Variants in RAD51B observed in about 807,000 individuals in gnomAD.
RAD51B encodes DNA repair protein RAD51 homolog 2.
RAD51B carries 38 observed loss-of-function variants against 42.2 expected under a neutral mutation model. The observed-to-expected ratio is 0.90, with a 90% CI of 0.70 to 1.18. RAD51B has a LOEUF of 1.18. Among genes scored for constraint, RAD51B ranks in the 50% most tolerant of loss-of-function variants. The probability of loss-of-function intolerance (pLI) is 0.00; values close to 1 mark genes in which losing one functional copy is unlikely to be tolerated. For synonymous variants in RAD51B, 154 were observed against 145.2 expected (o/e 1.06, Z -0.43); for missense variants, 373 against 400.7 (o/e 0.93, Z 0.59).
intron 7 of RAD51B, among the ~76,000 whole-genome samples, chr14:68,162,735 A>C (rs1184881584): frequency 6.6e-6 from 1 of 152,238 alleles, no homozygotes; most frequent in Non-Finnish European, 1.5e-5. Flanking sequence ...CAGTGAGCCA[A>C]GATTGTGCCA....
intron 7 of RAD51B, among the ~76,000 whole-genome samples, chr14:68,008,155 T>G (rs2075622224): frequency 6.6e-6 from 1 of 151,904 alleles, no homozygotes; most frequent in African/African-American, 2.4e-5. Context: ...GAGAAAATAA[T>G]CATTATTTTG....
intron 10 of RAD51B, among the ~76,000 whole-genome samples, chr14:68,633,693 G>A (rs765062406): frequency 6.0e-4 from 92 of 152,252 alleles, no homozygotes; most frequent in Non-Finnish European, 1.2e-3. Context: ...CACCAGCCAG[G>A]GCGATCCTGA....
At chr14:67,970,517 A>G (rs1165913125) in intron 7 of RAD51B, among the ~76,000 whole-genome samples, 1 of 151,504 alleles carries the variant, frequency 6.6e-6, no homozygotes, top group African/African-American at 2.4e-5. Context: ...TTCCTAAGGT[A>G]GATTTTTATT....
chr14:68,096,515 T>G (rs2077198167), intron 7 of RAD51B, among the ~76,000 whole-genome samples: 1 of 152,218 alleles, frequency 6.6e-6, no homozygotes, highest in South Asian at 2.1e-4. Context: ...ATTAAATCAC[T>G]GGCCTTCAAT....
intron 7 of RAD51B, among the ~76,000 whole-genome samples, chr14:68,048,885 T>C (rs979877427): frequency 6.6e-6 from 1 of 152,286 alleles, no homozygotes; most frequent in South Asian, 2.1e-4. Flanking sequence ...TATAAATCAT[T>C]CTGCTATAAA....
chr14:68,644,113 G>T (rs977590625), intron 10 of RAD51B, among the ~76,000 whole-genome samples: 1 of 152,140 alleles, frequency 6.6e-6, no homozygotes, highest in Non-Finnish European at 1.5e-5. Context: ...CTTGTTTTAG[G>T]CTTGACCTTG....
chr14:68,147,870 A>G (rs2140757457), intron 7 of RAD51B, among the ~76,000 whole-genome samples: 1 of 152,166 alleles, frequency 6.6e-6, no homozygotes, highest in Admixed American at 6.5e-5. Context: ...ATTTAGTCCA[A>G]TTTGATGTTT....
intron 7 of RAD51B, among the ~76,000 whole-genome samples, chr14:67,906,734 G>A (rs1176734492): frequency 1.3e-5 from 2 of 151,858 alleles, no homozygotes; most frequent in African/African-American, 2.4e-5. Context: ...GGGGTTGCTG[G>A]TAATGTCCCC....
intron 7 of RAD51B, among the ~76,000 whole-genome samples, chr14:67,923,980 A>G (rs1376341584): frequency 2.0e-5 from 3 of 152,080 alleles, no homozygotes; most frequent in African/African-American, 7.2e-5. Flanking sequence ...ATTATTAGTG[A>G]TGTTGAGCAT....
intron 11 of RAD51B, among the ~76,000 whole-genome samples, chr14:68,659,090 G>A (rs771040687): frequency 6.6e-6 from 1 of 152,236 alleles, no homozygotes; most frequent in Non-Finnish European, 1.5e-5. Flanking sequence ...CCTGGAGGGA[G>A]GGCAGAGAGT....
At chr14:68,616,287 C>T (rs1891825221), downstream of RAD51B, among the ~76,000 whole-genome samples, 1 of 151,994 alleles carries the variant, frequency 6.6e-6, no homozygotes, top group African/African-American at 2.4e-5. Flanking sequence ...GTTAACATTT[C>T]TTTAGGGTAG....
At chr14:68,477,563 C>T in intron 10 of RAD51B, 85 bp from the exon 11 acceptor site, 1 of 1,460,176 alleles carries the variant, frequency 6.8e-7, no homozygotes, top group Non-Finnish European at 9.3e-7. Flanking sequence ...GAGGAAAGTT[C>T]CATTTAGGTT....
At chr14:68,560,993 C>T (rs1024815935) in intron 10 of RAD51B, among the ~76,000 whole-genome samples, 4 of 152,204 alleles carry the variant, frequency 2.6e-5, no homozygotes, top group African/African-American at 9.7e-5. Context: ...AAATGGGGCT[C>T]TGGAAGCCTT....
chr14:68,176,513 C>T (rs1324281870), intron 7 of RAD51B, among the ~76,000 whole-genome samples: 2 of 152,154 alleles, frequency 1.3e-5, no homozygotes, highest in East Asian at 1.9e-4. Flanking sequence ...CCTCAGGCAA[C>T]TCAATCATCA....
At chr14:68,465,268 G>A (rs1156593091) in intron 9 of RAD51B, among the ~76,000 whole-genome samples, 2 of 151,924 alleles carry the variant, frequency 1.3e-5, no homozygotes, top group Admixed American at 6.6e-5. Context: ...AAGGATTTAC[G>A]TTTATCTTAT....
rs187207868 is a variant in RAD51B at position 67,961,233 on chromosome 14, T to C, written c.756+74029T>C. Among the ~76,000 whole-genome samples the C allele has an allele frequency of 5.3e-5, 8 of 152,246 alleles. No homozygotes were observed. In the East Asian group the frequency reaches 1.5e-3, roughly 29 times the overall value. ...GTTGCCCAGGCTGGTCTCAAACTTC[T>C]GGGCTCAAGCAATTCTCCTACCTCT... On this transcript the variant is annotated intron_variant, in intron 7 of 10. Coordinates refer to ENST00000471583, the MANE Select transcript of RAD51B (RefSeq NM_133510.4).
Position 67,887,131 on chromosome 14 carries a change from T to G in RAD51B, c.683T>G (p.Leu228Arg). Residue 228 changes from leucine (L) to arginine (R), a missense_variant, in exon 7 of 11, where the codon CTC (leucine) becomes CGC (arginine). Coordinates refer to ENST00000471583, the MANE Select transcript of RAD51B (RefSeq NM_133510.4). Reference protein sequence around the residue: ...KEFDAQLQGNLKERNKFLARE... With the variant: ...KEFDAQLQGNRKERNKFLARE... ...TTTGATGCACAACTTCAAGGCAATC[T>G]CAAAGAAAGAAACAAGTTCTTGGCA... The G allele has an allele frequency of 6.2e-7, 1 of 1,611,844 alleles. No individual in the cohort carries two copies. Among genetic ancestry groups the G allele is most frequent in the Non-Finnish European group, 8.5e-7 (1 of 1,178,440 alleles).
At chr14:68,410,357 T>C (rs774831682) in intron 8 of RAD51B, among the ~76,000 whole-genome samples, 3 of 152,210 alleles carry the variant, frequency 2.0e-5, no homozygotes, top group Non-Finnish European at 4.4e-5. Context: ...AATCAGATGA[T>C]GTAGTAAGGG....
At chr14:68,155,685 C>T (rs944051430) in intron 7 of RAD51B, among the ~76,000 whole-genome samples, 16 of 152,158 alleles carry the variant, frequency 1.1e-4, no homozygotes, top group African/African-American at 3.1e-4. Context: ...AACTAGATTG[C>T]GATAGGGTAG....
Sources: gnomAD v4.1 joint callset for allele counts (sites outside exome capture counted in the v4.1 genomes callset) on GRCh38, gnomAD v4.1.1 for gene constraint, MANE v1.5 for transcripts, NCBI Gene and HGNC (gene_info 2026-07-23, HGNC 2026-07-21) for gene names.